CCDC12: variants seen among roughly 807,000 people sequenced by gnomAD.
The protein encoded by CCDC12 is coiled-coil domain-containing protein 12.
A neutral mutation model predicts 25.7 loss-of-function variants in CCDC12; 28 were observed. The ratio of observed to expected loss-of-function variants is 1.09; its 90% CI spans 0.81 to 1.50. The LOEUF is 1.50. CCDC12 is among the 40% of genes most tolerant of loss of function. The pLI, the probability that CCDC12 is intolerant of heterozygous loss-of-function variation, is 0.00. For missense variants in CCDC12, 198 were observed against 210.0 expected, an observed-to-expected ratio of 0.94 and a Z score of 0.35; for synonymous variants, 75 against 87.7, an observed-to-expected ratio of 0.86 and a Z score of 0.81.
chr3:46,940,993 A>T lies in CCDC12; in HGVS notation c.164+5T>A. 1 of 1,613,980 alleles carries T rather than the reference A, an allele frequency of 6.2e-7. No individual in the cohort carries two copies. The highest frequency in any genetic ancestry group is 8.5e-7 in the Non-Finnish European group (1 of 1,179,828). ...GCAGACCCTGGAGCTGCACACGGGC[A>T]TTACCTGTGCTTCTCGCCTTCTTCC... On this transcript the variant is annotated splice_donor_5th_base_variant and intron_variant, in intron 2 of 6. Coordinates refer to ENST00000683445, the MANE Select transcript of CCDC12 (RefSeq NM_001277074.2).
At chr3:46,950,868 G>A (rs1337957496) in intron 1 of CCDC12, among the ~76,000 whole-genome samples, 2 of 152,128 alleles carry the variant, frequency 1.3e-5, no homozygotes, top group African/African-American at 4.8e-5. Context: ...GGACAAATCT[G>A]GGGAACATTA....
intron 2 of CCDC12, among the ~76,000 whole-genome samples, chr3:46,927,806 C>G (rs926809934): frequency 2.6e-5 from 4 of 152,168 alleles, no homozygotes; most frequent in African/African-American, 4.8e-5. Flanking sequence ...TGTGTGATCG[C>G]GTGAAAATGG....
rs780317989 is a variant in CCDC12 at position 46,922,175 on chromosome 3, GC to G, written c.419-37del. 9 of 1,613,986 alleles carry G rather than the reference GC, an allele frequency of 5.6e-6. No homozygotes were observed. The Admixed American group carries it at 1.5e-4, about 27-fold the overall frequency. ...TGGCAGACAGAAGGGGTGGGGAGGG[GC>G]CCGGTGCTTGGGCCACCACCCAGTG... On this transcript the variant is annotated intron_variant, in intron 6 of 6. Coordinates refer to ENST00000683445, the MANE Select transcript of CCDC12 (RefSeq NM_001277074.2).
At chr3:46,973,523 T>C (rs993837334) in intron 1 of CCDC12, among the ~76,000 whole-genome samples, 1 of 150,210 alleles carries the variant, frequency 6.7e-6, no homozygotes, top group African/African-American at 2.4e-5. Flanking sequence ...AATTACCATA[T>C]GATCCAGTAA....
intron 1 of CCDC12, among the ~76,000 whole-genome samples, chr3:46,954,590 T>A (rs1251947484): frequency 6.6e-6 from 1 of 152,144 alleles, no homozygotes; most frequent in Non-Finnish European, 1.5e-5. Flanking sequence ...GTTCTTAAAA[T>A]GGGGTGGGTC....
intron 2 of CCDC12, among the ~76,000 whole-genome samples, chr3:46,934,527 A>G (rs1378032860): frequency 6.6e-6 from 1 of 152,242 alleles, no homozygotes; most frequent in Non-Finnish European, 1.5e-5. Flanking sequence ...TGAAGACTTC[A>G]TAAGAGGGGC....
rs749802375 is a variant in CCDC12, at chr3:46,923,615, C to T, written c.298G>A (p.Glu100Lys). The change falls in exon 4 of 7, where the codon GAG becomes AAG. Residue 100 changes from glutamate to lysine, a missense_variant. Coordinates refer to ENST00000683445, the MANE Select transcript of CCDC12 (RefSeq NM_001277074.2). ...GTGGTCCAGGCACTCACCACCTCCT[C>T]GATGACGGGCTCGGGCTTGGCGGCC... is the stretch of plus-strand genomic sequence containing the variant. ...LEAAKPEPVI[E>K]EVDLANLAPR... 8 of 1,599,146 alleles carry T rather than the reference C, an allele frequency of 5.0e-6. No individual in the cohort carries two copies. Among genetic ancestry groups the T allele is most frequent in the African/African-American group, 2.7e-5 (2 of 74,608 alleles).
chr3:46,965,524 A>G (rs2034612635), intron 1 of CCDC12, among the ~76,000 whole-genome samples: 1 of 152,192 alleles, frequency 6.6e-6, no homozygotes, highest in Non-Finnish European at 1.5e-5. Context: ...AGAGAGGCTC[A>G]CCCTTCGCCC....
At chr3:46,974,338 C>G (rs1022346912) in intron 1 of CCDC12, among the ~76,000 whole-genome samples, 1 of 152,176 alleles carries the variant, frequency 6.6e-6, no homozygotes, top group African/African-American at 2.4e-5. Flanking sequence ...AAATAACAAT[C>G]AGGCCATACT....
chr3:46,976,292 CG>C (rs1407867968), intron 1 of CCDC12: 5 of 1,149,934 alleles, frequency 4.3e-6, no homozygotes, highest in Non-Finnish European at 5.4e-6. Flanking sequence ...CATAGAGGAA[CG>C]GAACAAATCA....
chr3:46,979,862 A>T, upstream of CCDC12: 1 of 468,372 alleles, frequency 2.1e-6, no homozygotes. Flanking sequence ...GGGCCGGGCC[A>T]TGGCCGCCTC....
chr3:46,945,229 C>A (rs1237793456), intron 1 of CCDC12, among the ~76,000 whole-genome samples: 2 of 152,250 alleles, frequency 1.3e-5, no homozygotes, highest in Non-Finnish European at 2.9e-5. Context: ...CTGGGCTAGA[C>A]AACCTTCAGA....
In CCDC12 at chr3:46,926,739, G is replaced by A. The variant is rs887929856; in HGVS notation, c.165-1204C>T. ...TGCAGGAGTGGCCCCTCAGATGCTG[G>A]CCAGGTGAGACTAGGCCGCAGGTCC... On this transcript the variant is annotated intron_variant, in intron 2 of 6. Coordinates refer to ENST00000683445, the MANE Select transcript of CCDC12 (RefSeq NM_001277074.2). Among the ~76,000 whole-genome samples, 8 of 152,264 alleles carry A rather than the reference G, an allele frequency of 5.3e-5. No individual in the cohort carries two copies. The South Asian group carries it at 1.7e-3, about 32-fold the overall frequency.
intron 1 of CCDC12, among the ~76,000 whole-genome samples, chr3:46,965,695 G>A (rs1033803770): frequency 1.3e-5 from 2 of 152,166 alleles, no homozygotes; most frequent in Non-Finnish European, 2.9e-5. Context: ...GCCAGGAGGC[G>A]GTGGGCTCCC....
At chr3:46,941,408 C>CA (rs985360445) in intron 1 of CCDC12, among the ~76,000 whole-genome samples, 3 of 151,904 alleles carry the variant, frequency 2.0e-5, no homozygotes, top group African/African-American at 7.3e-5. Flanking sequence ...TAAAAACACA[C>CA]AAAAAAATTA....
chr3:46,963,926 G>C (rs1013939579), intron 1 of CCDC12, among the ~76,000 whole-genome samples: 3 of 151,710 alleles, frequency 2.0e-5, no homozygotes, highest in African/African-American at 7.3e-5. Context: ...CATCGTCTGG[G>C]ATGTGAGGAG....
intron 1 of CCDC12, among the ~76,000 whole-genome samples, chr3:46,953,648 G>GA (rs527618724): frequency 5.2e-3 from 544 of 105,326 alleles, no homozygotes; most frequent in South Asian, 0.013. Context: ...CTCAAGCTTG[G>GA]AAAAAAAAAA....
intron 2 of CCDC12, among the ~76,000 whole-genome samples, chr3:46,935,006 G>A (rs1225221790): frequency 6.6e-6 from 1 of 152,260 alleles, no homozygotes; most frequent in African/African-American, 2.4e-5. Flanking sequence ...ACAGAGCAGA[G>A]AGGCCTGGCA....
At chr3:46,973,683 G>A (rs1286302503) in intron 1 of CCDC12, among the ~76,000 whole-genome samples, 1 of 142,324 alleles carries the variant, frequency 7.0e-6, no homozygotes, top group Non-Finnish European at 1.5e-5. Flanking sequence ...GCGCATCTCA[G>A]CTCACTGCAA....
Sources: allele counts gnomAD v4.1 joint callset (sites outside exome capture counted in the v4.1 genomes callset), GRCh38; gene constraint gnomAD v4.1.1; transcripts MANE v1.5; gene names NCBI Gene and HGNC (gene_info 2026-07-23, HGNC 2026-07-21).